Variants in ST3GAL2 observed in about 807,000 individuals in gnomAD.
ST3GAL2 encodes the protein CMP-N-acetylneuraminate-beta-galactosamide-alpha-2,3-sialyltransferase 2.
ST3GAL2 carries 16 observed loss-of-function variants against 37.5 expected under a neutral mutation model. That is an observed-to-expected ratio of 0.43 (90% confidence interval 0.29 to 0.65). ST3GAL2 has a LOEUF of 0.65. Ranked by LOEUF, ST3GAL2 falls within the 30% of genes least tolerant of loss-of-function variation. ST3GAL2 has a pLI of 0.17. For missense variants in ST3GAL2, 383 were observed against 487.8 expected (o/e 0.79, Z 2.02); for synonymous variants, 238 against 202.9 (o/e 1.17, Z -1.47).
intron 1 of ST3GAL2, among the ~76,000 whole-genome samples, chr16:70,406,544 T>G (rs1398734796): frequency 1.3e-5 from 2 of 150,718 alleles, no homozygotes; most frequent in African/African-American, 4.9e-5. Context: ...CACTTTGGGA[T>G]GCCGAGGGTG....
intron 4 of ST3GAL2, among the ~76,000 whole-genome samples, chr16:70,383,922 C>T (rs1190213222): frequency 6.6e-6 from 1 of 151,854 alleles, no homozygotes; most frequent in African/African-American, 2.4e-5. Flanking sequence ...TAGCTCTCTG[C>T]TCCATTAGAG....
chr16:70,401,096 T>G (rs1314975857), intron 1 of ST3GAL2: 1 of 152,262 alleles, frequency 6.6e-6, no homozygotes, highest in South Asian at 2.1e-4. Context: ...TCCTGTGACC[T>G]GAGGAGAGCC....
intron 4 of ST3GAL2, among the ~76,000 whole-genome samples, chr16:70,387,030 G>C (rs907965055): frequency 6.6e-6 from 1 of 152,024 alleles, no homozygotes; most frequent in Non-Finnish European, 1.5e-5. Flanking sequence ...AAGGTGAGCA[G>C]ATCATCTGAG....
chr16:70,412,721 G>A (rs755171220), intron 1 of ST3GAL2, among the ~76,000 whole-genome samples: 4 of 151,874 alleles, frequency 2.6e-5, no homozygotes, highest in African/African-American at 9.7e-5. Flanking sequence ...CTGTTTTTTC[G>A]AATCTGAAAT....
chr16:70,425,367 C>T (rs2047742674), intron 1 of ST3GAL2, among the ~76,000 whole-genome samples: 1 of 152,082 alleles, frequency 6.6e-6, no homozygotes, highest in South Asian at 2.1e-4. Flanking sequence ...GAGGCTGAGG[C>T]AGGAGAATTG....
At chr16:70,412,156 A>G (rs756324762) in intron 1 of ST3GAL2, among the ~76,000 whole-genome samples, 1 of 152,162 alleles carries the variant, frequency 6.6e-6, no homozygotes. Context: ...AGGTGATAAA[A>G]CTGTCTTAGC....
At chr16:70,403,744 C>T (rs369820096) in intron 1 of ST3GAL2, among the ~76,000 whole-genome samples, 1 of 152,076 alleles carries the variant, frequency 6.6e-6, no homozygotes, top group Admixed American at 6.6e-5. Context: ...ACCAGGGAGT[C>T]AGAGGTTGTG....
At chr16:70,428,197 C>A (rs1306431414) in intron 1 of ST3GAL2, among the ~76,000 whole-genome samples, 15 of 152,378 alleles carry the variant, frequency 9.8e-5, no homozygotes, top group Admixed American at 5.9e-4. Context: ...CCAGGTTTGT[C>A]CCCTCCCCCA....
intron 1 of ST3GAL2, among the ~76,000 whole-genome samples, chr16:70,417,945 C>A (rs2047687045): frequency 6.6e-6 from 1 of 152,128 alleles, no homozygotes. Flanking sequence ...GCTCTGATTT[C>A]TTTTAAAGAT....
intron 4 of ST3GAL2, 93 bp downstream of exon 4, chr16:70,388,274 T>C: frequency 6.5e-7 from 1 of 1,538,308 alleles, no homozygotes; most frequent in East Asian, 2.3e-5. Flanking sequence ...GCCAAAATGT[T>C]CAATGAAAGG....
intron 3 of ST3GAL2, among the ~76,000 whole-genome samples, chr16:70,393,237 C>G (rs537192374): frequency 6.6e-6 from 1 of 152,168 alleles, no homozygotes; most frequent in East Asian, 1.9e-4. Flanking sequence ...ACCACCACGC[C>G]CAGCTAATTT....
intron 1 of ST3GAL2, among the ~76,000 whole-genome samples, chr16:70,420,860 G>A (rs1161919864): frequency 1.3e-5 from 2 of 152,212 alleles, no homozygotes; most frequent in African/African-American, 2.4e-5. Context: ...GCCCTCCAGA[G>A]TGAAGGTATA....
At chr16:70,396,962 GT>G (rs199929817) in intron 2 of ST3GAL2, among the ~76,000 whole-genome samples, 2 of 144,548 alleles carry the variant, frequency 1.4e-5, no homozygotes, top group Non-Finnish European at 3.0e-5. Context: ...TTCATTGCTT[GT>G]TTTTTTTTAA....
At chr16:70,388,598 A>G (rs1182355441) in intron 3 of ST3GAL2, 52 bp from the exon 4 acceptor site, 3 of 1,523,994 alleles carry the variant, frequency 2.0e-6, no homozygotes, top group Non-Finnish European at 2.6e-6. Flanking sequence ...AAACTGATAC[A>G]AGATTCTTAG....
chr16:70,437,025 G>A (rs1043907244), intron 1 of ST3GAL2, among the ~76,000 whole-genome samples: 4 of 152,082 alleles, frequency 2.6e-5, no homozygotes, highest in African/African-American at 7.2e-5. Flanking sequence ...GTGCCTTCTC[G>A]AGAAGAGTGG....
chr16:70,376,006 T>C lies in ST3GAL2; in HGVS notation c.*5683A>G, dbSNP rs1488317403. 3 of 152,240 alleles carry C rather than the reference T, an allele frequency of 2.0e-5. No individual in the cohort carries two copies. Among genetic ancestry groups the C allele is most frequent in the African/African-American group, 7.2e-5 (3 of 41,466 alleles). The allele number at this position is 152,240 out of a possible 1,614,324, so 9.4% of individuals were successfully genotyped here. ...GTTAAGGTTTATTTATTTCTATTTA[T>C]AGCAAAGACAGCTGAGATGTCAAAC... On this transcript the variant is annotated 3_prime_UTR_variant, in exon 7 of 7. Transcript: ENST00000342907.
intron 3 of ST3GAL2, among the ~76,000 whole-genome samples, chr16:70,391,244 G>A (rs1479528083): frequency 2.6e-5 from 4 of 152,100 alleles, no homozygotes; most frequent in Non-Finnish European, 5.9e-5. Context: ...AGGGTGCTTT[G>A]GGGTGGGAGG....
Position 70,392,018 on chromosome 16 carries a change from C to T in ST3GAL2, c.533+2964G>A, listed in dbSNP as rs116886846. 7.9e-3 allele frequency among the ~76,000 whole-genome samples: 1,198 copies of T among 152,300 alleles called. 7 individuals are homozygous for T. The highest frequency in any genetic ancestry group is 0.013 in the Non-Finnish European group (886 of 68,012). ...CCAGCCCAGGCTGGTTTCTGAAGAC[C>T]CACCATCTGTCTTCTGCACTGACTT... On this transcript the variant is annotated intron_variant, in intron 3 of 6. Coordinates refer to ENST00000342907, the MANE Select transcript of ST3GAL2 (RefSeq NM_006927.4).
intron 1 of ST3GAL2, among the ~76,000 whole-genome samples, chr16:70,405,641 T>A (rs1190981209): frequency 2.0e-5 from 3 of 150,592 alleles, no homozygotes; most frequent in Non-Finnish European, 4.4e-5. Flanking sequence ...GGCAAATCCA[T>A]AGAGACAGAC....
Sources: allele counts gnomAD v4.1 joint callset (sites outside exome capture counted in the v4.1 genomes callset), GRCh38; gene constraint gnomAD v4.1.1; transcripts MANE v1.5; gene names NCBI Gene and HGNC (gene_info 2026-07-23, HGNC 2026-07-21).